The following SV2B variants were observed in gnomAD, a reference collection of about 807,000 sequenced individuals.
SV2B encodes the protein synaptic vesicle glycoprotein 2B, also known as solute carrier family 22 member B2.
Under a neutral mutation model 73.9 loss-of-function variants are expected in SV2B, and 41 were observed. That is an observed-to-expected ratio of 0.56 (90% CI 0.43 to 0.72). The LOEUF (loss-of-function observed/expected upper bound fraction) is 0.72, where lower values mean the gene tolerates loss of function less well. Among genes scored for constraint, SV2B ranks in the 30% least tolerant of loss-of-function variants. The probability of loss-of-function intolerance (pLI) is 0.00; values close to 1 mark genes in which losing one functional copy is unlikely to be tolerated. For synonymous variants in SV2B, 314 were observed against 314.2 expected (o/e 1.00, Z 0.01); for missense variants, 764 against 857.8 (o/e 0.89, Z 1.37).
At chr15:91,178,869 G>A in intron 1 of SV2B, among the ~76,000 whole-genome samples, 1 of 146,004 alleles carries the variant, frequency 6.8e-6, no homozygotes. Flanking sequence ...ATTTTTTGAA[G>A]GGTTTTTTGT....
chr15:91,205,263 A>G (rs2045593423), intron 1 of SV2B, among the ~76,000 whole-genome samples: 1 of 152,184 alleles, frequency 6.6e-6, no homozygotes, highest in Admixed American at 6.6e-5. Flanking sequence ...GGCCGACATC[A>G]GGGAAGCAGA....
At chr15:91,114,388 T>C (rs767639763) in intron 1 of SV2B, among the ~76,000 whole-genome samples, 1 of 152,168 alleles carries the variant, frequency 6.6e-6, no homozygotes, top group Non-Finnish European at 1.5e-5. Flanking sequence ...CTATCTCTAA[T>C]GTGTGTGCTT....
intron 1 of SV2B, among the ~76,000 whole-genome samples, chr15:91,133,441 G>A (rs947721601): frequency 5.3e-5 from 8 of 151,606 alleles, no homozygotes; most frequent in African/African-American, 1.5e-4. Flanking sequence ...CAAATGCACT[G>A]GAATTGACAA....
In SV2B at chr15:91,290,148, C is replaced by T. The variant is rs190465779; in HGVS notation, c.1868+468C>T. On this transcript the variant is annotated intron_variant, in intron 12 of 12. Coordinates refer to ENST00000394232, the MANE Select transcript of SV2B (RefSeq NM_001323032.3). This position sits in a 1 kb window ranked among gnomAD's most constrained non-coding sequence, Gnocchi z 4.7. ...GGGGTTACTTTTATTTTGCACAGGT[C>T]GTATATGGGAAGAGGCCTTGTTTAA... Among the ~76,000 whole-genome samples, 18 of 152,012 alleles carry T rather than the reference C, an allele frequency of 1.2e-4. No individual in the cohort carries two copies. The highest frequency in any genetic ancestry group is 2.4e-4 in the Non-Finnish European group (16 of 68,012).
chr15:91,198,427 T>C (rs1413626450), intron 1 of SV2B, among the ~76,000 whole-genome samples: 3 of 151,602 alleles, frequency 2.0e-5, no homozygotes. Context: ...CAGTGACAGC[T>C]TTTGGTTTTC....
chr15:91,168,940 C>T (rs2044015848), intron 1 of SV2B, among the ~76,000 whole-genome samples: 1 of 152,158 alleles, frequency 6.6e-6, no homozygotes, highest in African/African-American at 2.4e-5. Flanking sequence ...CATCATCAGA[C>T]TTGTCCATGG....
intron 1 of SV2B, among the ~76,000 whole-genome samples, chr15:91,167,321 G>T (rs2043951876): frequency 1.3e-5 from 2 of 152,094 alleles, no homozygotes; most frequent in Admixed American, 1.3e-4. Context: ...ATTTTAAATT[G>T]TGTATTAGTT....
At chr15:91,264,631 G>A (rs1002905274) in intron 6 of SV2B, among the ~76,000 whole-genome samples, 10 of 152,156 alleles carry the variant, frequency 6.6e-5, no homozygotes, top group African/African-American at 1.9e-4. Context: ...AGCCACCTCC[G>A]TTGAGTGGCC....
intron 2 of SV2B, among the ~76,000 whole-genome samples, chr15:91,233,087 C>G (rs148016045): frequency 2.0e-5 from 3 of 152,200 alleles, no homozygotes; most frequent in East Asian, 3.9e-4. Context: ...TATGCACCAC[C>G]TTTTCTTTAT....
chr15:91,266,958 C>G (rs990388137), intron 7 of SV2B: 6 of 331,818 alleles, frequency 1.8e-5, no homozygotes, highest in African/African-American at 6.4e-5. Context: ...GATAAAATGT[C>G]TAGTCTGAGT....
rs934060538 is a variant in SV2B at position 91,261,029 on chromosome 15, G to A, written c.1008+620G>A. On this transcript the variant is annotated intron_variant, in intron 6 of 12. Coordinates refer to ENST00000394232, the MANE Select transcript of SV2B (RefSeq NM_001323032.3). This position sits in a 1 kb window ranked among gnomAD's most constrained non-coding sequence, Gnocchi z 4.7. ...AGAGCCACACCACATCAGAGGCCGA[G>A]GCTGGCAGATCACTTGAAGTCAGGG... Among the ~76,000 whole-genome samples the A allele has an allele frequency of 6.6e-6, 1 of 152,200 alleles. No homozygotes were observed. The highest frequency in any genetic ancestry group is 2.4e-5 in the African/African-American group (1 of 41,452).
chr15:91,132,763 C>G lies in SV2B; in HGVS notation c.-392+32400C>G, dbSNP rs1471683228. On this transcript the variant is annotated intron_variant, in intron 1 of 12. Coordinates refer to ENST00000394232, the MANE Select transcript of SV2B (RefSeq NM_001323032.3). This position sits in a 1 kb window ranked among gnomAD's most constrained non-coding sequence, Gnocchi z 4.6. Reference sequence around the variant, plus strand: ...GCTGAGGTGGGAGGATCCGTTGAGCCCAGGAGTTTGAGGCTGCAGTGAGCT... The same window carrying G: ...GCTGAGGTGGGAGGATCCGTTGAGCGCAGGAGTTTGAGGCTGCAGTGAGCT... Among the ~76,000 whole-genome samples the G allele has an allele frequency of 6.6e-6, 1 of 152,024 alleles. No individual in the cohort carries two copies. Among genetic ancestry groups the G allele is most frequent in the Non-Finnish European group, 1.5e-5 (1 of 67,978 alleles).
At chr15:91,148,592 G>A (rs900766306) in intron 1 of SV2B, among the ~76,000 whole-genome samples, 8 of 152,144 alleles carry the variant, frequency 5.3e-5, no homozygotes, top group South Asian at 2.1e-4. Flanking sequence ...GAGAAGCCAC[G>A]TATATAGCCC....
rs1428283727 is a variant in SV2B at position 91,299,104 on chromosome 15, A to G, written c.*6552A>G. ...TGTGGGTGTGTATATATACATACAT[A>G]TATATACACACACACATTATGTTAT... is the stretch of plus-strand genomic sequence containing the variant. On this transcript the variant is annotated 3_prime_UTR_variant, in exon 13 of 13. Transcript: ENST00000394232. 6.6e-6 allele frequency: 1 copy of G among 152,190 alleles called. No individual in the cohort carries two copies. The highest frequency in any genetic ancestry group is 1.5e-5 in the Non-Finnish European group (1 of 68,026). 9.4% of individuals were successfully genotyped at this position (152,190 alleles called of 1,614,324 possible).
At chr15:91,201,481 A>G (rs189926120) in intron 1 of SV2B, among the ~76,000 whole-genome samples, 6 of 152,214 alleles carry the variant, frequency 3.9e-5, no homozygotes, top group Middle Eastern at 6.8e-3. Context: ...CTGAGACTCA[A>G]CTCTGGGTAG....
At chr15:91,179,453 A>G (rs188435025) in intron 1 of SV2B, among the ~76,000 whole-genome samples, 6,261 of 151,812 alleles carry the variant, frequency 0.041, 425 homozygotes, top group African/African-American at 0.14. Flanking sequence ...ATCCTTGTTG[A>G]CTTTCTGTCT....
intron 1 of SV2B, among the ~76,000 whole-genome samples, chr15:91,142,292 C>G (rs1294889396): frequency 2.6e-5 from 4 of 152,142 alleles, no homozygotes; most frequent in Admixed American, 1.3e-4. Context: ...CTTTTGCTAC[C>G]TTTTCACTTG....
At chr15:91,165,534 T>C (rs1158228497) in intron 1 of SV2B, among the ~76,000 whole-genome samples, 2 of 152,166 alleles carry the variant, frequency 1.3e-5, no homozygotes, top group East Asian at 3.9e-4. Context: ...CACCATTTAA[T>C]ATAAAGAACT....
chr15:91,200,460 A>C, intron 1 of SV2B, among the ~76,000 whole-genome samples: 1 of 152,206 alleles, frequency 6.6e-6, no homozygotes, highest in East Asian at 1.9e-4. Flanking sequence ...AGGGGTGTCC[A>C]CTGGGGCTAC....
Sources: allele counts gnomAD v4.1 joint callset (sites outside exome capture counted in the v4.1 genomes callset), GRCh38; gene constraint gnomAD v4.1.1; non-coding constraint Gnocchi (gnomAD v3.1); transcripts MANE v1.5; gene names NCBI Gene and HGNC (gene_info 2026-07-23, HGNC 2026-07-21).